The following WDPCP variants were observed in gnomAD, a reference collection of about 807,000 sequenced individuals.
The protein encoded by WDPCP is WD repeat-containing and planar cell polarity effector protein fritz homolog.
WDPCP carries 71 observed loss-of-function variants against 93.1 expected under a neutral mutation model. The observed-to-expected ratio is 0.76, with a 90% CI of 0.63 to 0.93. The LOEUF (loss-of-function observed/expected upper bound fraction) is 0.93. Ranked by LOEUF, WDPCP falls within the 40% of genes least tolerant of loss-of-function variation. WDPCP has a pLI of 0.00. For missense variants in WDPCP, 844 were observed against 887.4 expected (o/e 0.95, Z 0.62); for synonymous variants, 315 against 315.0 (o/e 1.00, Z 0.00).
Position 63,663,535 on chromosome 2 carries a change from G to A in WDPCP, n.309-12697C>T, listed in dbSNP as rs1460398869. 2.6e-5 allele frequency among the ~76,000 whole-genome samples: 4 copies of A among 152,298 alleles called. No homozygotes were observed. The East Asian group carries it at 7.7e-4, about 29-fold the overall frequency. ...CAGAGATGGAAACTCCTGTAAAGTG[G>A]CAATTGCAGATTATAGATGAGATAT... On this transcript the variant is annotated intron_variant and non_coding_transcript_variant, in intron 2 of 4. Transcript: ENST00000467687.
Position 63,412,165 on chromosome 2 carries a change from G to A in WDPCP, c.826-7508C>T, listed in dbSNP as rs1202448656. 3.3e-5 allele frequency among the ~76,000 whole-genome samples: 5 copies of A among 152,022 alleles called. 1 individual carries two copies. Among genetic ancestry groups the A allele is most frequent in the Admixed American group, 1.3e-4 (2 of 15,258 alleles). On this transcript the variant is annotated intron_variant, in intron 9 of 17. Coordinates refer to ENST00000272321, the MANE Select transcript of WDPCP (RefSeq NM_015910.7). ...AGCTAACTGAATCCAATAGCATATC[G>A]AAAAGGTAATCCACCATGATCAAGT... is the stretch of plus-strand genomic sequence containing the variant.
intron 2 of WDPCP, among the ~76,000 whole-genome samples, chr2:63,772,242 G>A (rs1170244715): frequency 1.3e-5 from 2 of 151,990 alleles, no homozygotes; most frequent in East Asian, 3.9e-4. Context: ...GATGTGAGAT[G>A]GCATCTCATT....
chr2:63,824,704 T>C (rs1044979915), intron 1 of WDPCP, among the ~76,000 whole-genome samples: 1 of 151,998 alleles, frequency 6.6e-6, no homozygotes, highest in Admixed American at 6.6e-5. Flanking sequence ...ATCTTACCAT[T>C]AAAAGAGAAA....
At chr2:63,825,114 T>C (rs1671093410) in intron 1 of WDPCP, among the ~76,000 whole-genome samples, 1 of 152,162 alleles carries the variant, frequency 6.6e-6, no homozygotes. Context: ...TAGAAACATT[T>C]GAAAAAATTT....
intron 13 of WDPCP, among the ~76,000 whole-genome samples, chr2:63,292,011 T>C (rs2105019476): frequency 6.7e-6 from 1 of 149,866 alleles, no homozygotes; most frequent in South Asian, 2.1e-4. Context: ...CGGGCGCCTG[T>C]AGTCCCAGCT....
chr2:63,395,016 C>T (rs1457612845), intron 10 of WDPCP, among the ~76,000 whole-genome samples: 1 of 152,006 alleles, frequency 6.6e-6, no homozygotes, highest in Non-Finnish European at 1.5e-5. Context: ...AACAAACCTG[C>T]ACATGTACCT....
At chr2:63,284,062 C>T (rs908621375) in intron 13 of WDPCP, among the ~76,000 whole-genome samples, 1 of 151,694 alleles carries the variant, frequency 6.6e-6, no homozygotes, top group Non-Finnish European at 1.5e-5. Context: ...ATGGTAAATA[C>T]ATGGGTACAT....
chr2:63,445,838 A>C (rs1030357581), intron 6 of WDPCP, among the ~76,000 whole-genome samples: 1 of 152,228 alleles, frequency 6.6e-6, no homozygotes, highest in African/African-American at 2.4e-5. Context: ...TAATTTACAG[A>C]AGACTTTTAT....
intron 2 of WDPCP, among the ~76,000 whole-genome samples, chr2:63,789,205 A>C (rs1436093559): frequency 6.6e-6 from 1 of 152,150 alleles, no homozygotes; most frequent in African/African-American, 2.4e-5. Context: ...ATTTTTCTGG[A>C]TTTTGTAATT....
chr2:63,560,342 T>A (rs1706509604), intron 1 of WDPCP, among the ~76,000 whole-genome samples: 1 of 152,124 alleles, frequency 6.6e-6, no homozygotes, highest in African/African-American at 2.4e-5. Context: ...GACCTCAAAC[T>A]ATACTACAAG....
chr2:63,466,470 T>A (rs960463306), intron 6 of WDPCP, among the ~76,000 whole-genome samples: 1 of 152,198 alleles, frequency 6.6e-6, no homozygotes, highest in African/African-American at 2.4e-5. Flanking sequence ...TAACCTTAGA[T>A]GCTTAGTTTA....
intron 17 of WDPCP, among the ~76,000 whole-genome samples, chr2:63,138,093 C>A (rs1337143470): frequency 9.9e-6 from 1 of 101,080 alleles, no homozygotes; most frequent in Admixed American, 1.1e-4. Context: ...TTTTTTGGTG[C>A]ACATAGTTTA....
intron 2 of WDPCP, among the ~76,000 whole-genome samples, chr2:63,780,336 A>G (rs189476046): frequency 7.2e-5 from 11 of 152,262 alleles, no homozygotes; most frequent in Admixed American, 7.2e-4. Flanking sequence ...GTATCACTGT[A>G]CCCTGAGAGA....
At chr2:63,831,550 A>G (rs536225015), upstream of WDPCP, among the ~76,000 whole-genome samples, 77 of 152,248 alleles carry the variant, frequency 5.1e-4, no homozygotes, top group African/African-American at 1.8e-3. Context: ...TTGATGCTAA[A>G]TGTATTTAAC....
intron 9 of WDPCP, among the ~76,000 whole-genome samples, chr2:63,421,187 T>TA (rs1261080827): frequency 3.9e-5 from 6 of 152,172 alleles, no homozygotes; most frequent in Admixed American, 6.5e-5. Context: ...AAATCTGTCA[T>TA]TTGTATACAG....
chr2:63,174,363 T>A (rs2104006604), intron 15 of WDPCP, among the ~76,000 whole-genome samples: 1 of 152,216 alleles, frequency 6.6e-6, no homozygotes, highest in South Asian at 2.1e-4. Context: ...ATTCTAAAAA[T>A]TAATATTTAT....
At chr2:63,653,942 G>T (rs993289115) in intron 2 of WDPCP, among the ~76,000 whole-genome samples, 1 of 147,186 alleles carries the variant, frequency 6.8e-6, no homozygotes, top group Non-Finnish European at 1.5e-5. Context: ...GACATGCAAA[G>T]ACACAAGAAA....
intron 1 of WDPCP, 67 bp from the exon 2 acceptor site, chr2:63,493,007 C>A (rs1002509068): frequency 1.5e-6 from 2 of 1,309,130 alleles, no homozygotes; most frequent in Admixed American, 3.5e-5. Flanking sequence ...AACCAAGATA[C>A]CTTAGAAATA....
chr2:63,121,095 C>T lies in WDPCP; in HGVS notation c.*911G>A, dbSNP rs1397350958. On this transcript the variant is annotated 3_prime_UTR_variant, in exon 18 of 18. Transcript: ENST00000272321. The stretch of plus-strand genomic sequence containing the variant: ...TTAAGAGGGCTAGATGACACCTGCA[C>T]ACTCAATGGGCAGTGTAAAGGAGAG... Among the ~76,000 whole-genome samples, 1 of 152,096 alleles carries T rather than the reference C, an allele frequency of 6.6e-6. No homozygotes were observed. Among genetic ancestry groups the T allele is most frequent in the Non-Finnish European group, 1.5e-5 (1 of 68,030 alleles).
Sources: allele counts gnomAD v4.1 joint callset (sites outside exome capture counted in the v4.1 genomes callset), GRCh38; gene constraint gnomAD v4.1.1; transcripts MANE v1.5; gene names NCBI Gene and HGNC (gene_info 2026-07-23, HGNC 2026-07-21).